Variants in SUGCT observed in about 807,000 individuals in gnomAD.
The protein encoded by SUGCT is succinyl-CoA:glutarate-CoA transferase.
A neutral mutation model predicts 55.0 loss-of-function variants in SUGCT; 41 were observed. That is an observed-to-expected ratio of 0.74 (90% CI 0.58 to 0.97). The LOEUF is 0.97. Among genes scored for constraint, SUGCT ranks in the 50% least tolerant of loss-of-function variants. SUGCT has a pLI of 0.00. For missense variants in SUGCT, 568 were observed against 547.8 expected (o/e 1.04, Z -0.37); for synonymous variants, 187 against 200.4 (o/e 0.93, Z 0.56).
chr7:40,442,040 C>T (rs1788543877), intron 9 of SUGCT, among the ~76,000 whole-genome samples: 1 of 152,030 alleles, frequency 6.6e-6, no homozygotes, highest in South Asian at 2.1e-4. Flanking sequence ...AAAGACCAAT[C>T]TTAGGAGGTT....
At chr7:40,529,100 T>C (rs1267368887) in intron 12 of SUGCT, among the ~76,000 whole-genome samples, 2 of 152,140 alleles carry the variant, frequency 1.3e-5, no homozygotes, top group Non-Finnish European at 2.9e-5. Context: ...CTGGGGAAGA[T>C]CACTGAAGGG....
intron 12 of SUGCT, among the ~76,000 whole-genome samples, chr7:40,664,997 A>T (rs867237596): frequency 6.9e-6 from 1 of 145,306 alleles, no homozygotes; most frequent in South Asian, 2.2e-4. Context: ...AAAAAAAAAA[A>T]TCTTTTTCTG....
intron 10 of SUGCT, among the ~76,000 whole-genome samples, chr7:40,451,256 C>A (rs1329628813): frequency 2.6e-5 from 4 of 152,046 alleles, no homozygotes; most frequent in Non-Finnish European, 5.9e-5. Context: ...GGTGGGAGGA[C>A]CTGGCAGTGA....
chr7:40,385,897 T>C (rs937443128), intron 9 of SUGCT, among the ~76,000 whole-genome samples: 6 of 152,236 alleles, frequency 3.9e-5, no homozygotes, highest in Admixed American at 2.6e-4. Flanking sequence ...CTTGCCAATT[T>C]TGTTGTGACA....
intron 11 of SUGCT, among the ~76,000 whole-genome samples, chr7:40,491,146 A>T (rs1791654347): frequency 6.6e-6 from 1 of 152,256 alleles, no homozygotes; most frequent in South Asian, 2.1e-4. Flanking sequence ...GTCAAGTAAC[A>T]GTCTGTTTTT....
intron 12 of SUGCT, among the ~76,000 whole-genome samples, chr7:40,605,766 T>G (rs1584111821): frequency 6.6e-6 from 1 of 152,184 alleles, no homozygotes; most frequent in Non-Finnish European, 1.5e-5. Flanking sequence ...TGGTGAGAGG[T>G]AAGTATTAAA....
chr7:40,210,639 C>T (rs191647594), intron 6 of SUGCT, among the ~76,000 whole-genome samples: 95 of 152,176 alleles, frequency 6.2e-4, no homozygotes, highest in Middle Eastern at 3.4e-3. Flanking sequence ...CGATGGTGAG[C>T]GCACACCTGG....
intron 13 of SUGCT, among the ~76,000 whole-genome samples, chr7:40,832,915 C>T (rs1206378121): frequency 6.6e-6 from 1 of 151,922 alleles, no homozygotes; most frequent in Non-Finnish European, 1.5e-5. Flanking sequence ...ACCTTGTGAC[C>T]AGCCTGCCTC....
chr7:40,512,393 A>G (rs1166774744), intron 12 of SUGCT, among the ~76,000 whole-genome samples: 4 of 152,178 alleles, frequency 2.6e-5, no homozygotes, highest in Non-Finnish European at 5.9e-5. Flanking sequence ...GAATTTTTAA[A>G]AGATTCTGCA....
intron 8 of SUGCT, among the ~76,000 whole-genome samples, chr7:40,295,435 G>A (rs1794069067): frequency 1.3e-5 from 2 of 152,118 alleles, no homozygotes; most frequent in South Asian, 4.1e-4. Context: ...AATTAGCTGG[G>A]CATGGTGGCG....
At chr7:40,989,605 T>TG in the SUGCT span, among the ~76,000 whole-genome samples, 1 of 132,552 alleles carries the variant, frequency 7.5e-6, no homozygotes, top group South Asian at 2.4e-4. Context: ...CCATCTCTAC[T>TG]AAAAAAAAAA....
chr7:40,867,515 T>G, the SUGCT span, among the ~76,000 whole-genome samples: 1 of 152,122 alleles, frequency 6.6e-6, no homozygotes, highest in African/African-American at 2.4e-5. Flanking sequence ...TGTCTAGAAT[T>G]ATATGTATAA....
chr7:40,854,474 T>TTCTTTCTTTCTC (rs1377565978), intron 13 of SUGCT, among the ~76,000 whole-genome samples: 20 of 135,324 alleles, frequency 1.5e-4, no homozygotes, highest in Non-Finnish European at 3.2e-4. Flanking sequence ...CTTTCTTTCT[T>TTCTTTCTTTCTC]TCTCTTTCTC....
the SUGCT span, among the ~76,000 whole-genome samples, chr7:41,008,095 C>T: frequency 6.6e-6 from 1 of 152,160 alleles, no homozygotes; most frequent in Non-Finnish European, 1.5e-5. Flanking sequence ...ATGCTATCCT[C>T]CCCCTCCCGT....
Position 40,521,743 on chromosome 7 carries a change from A to G in SUGCT, c.1089+25357A>G, listed in dbSNP as rs114058104. On this transcript the variant is annotated intron_variant, in intron 12 of 13. Transcript: ENST00000335693. Reference sequence around the variant, plus strand: ...ATGAGACAGTGTCTGAAATTGGGGAATAATGTAGTATAGGGATGAATACTA... The same window carrying G: ...ATGAGACAGTGTCTGAAATTGGGGAGTAATGTAGTATAGGGATGAATACTA... Among the ~76,000 whole-genome samples, 454 of 152,204 alleles carry G rather than the reference A, an allele frequency of 3.0e-3. 1 individual carries two copies. Among genetic ancestry groups the G allele is most frequent in the Middle Eastern group, 0.01 (3 of 294 alleles).
rs556083841 is a variant in SUGCT at position 40,235,355 on chromosome 7, T to TC, written c.485-2279dup. On this transcript the variant is annotated intron_variant, in intron 6 of 13. Transcript: ENST00000335693. ...GTTATTTTTATTTTTTGAGACAGAC[T>TC]CTCACTCTATTGCCCAGGCTGGAGT... is the stretch of plus-strand genomic sequence containing the variant. 6.0e-3 allele frequency among the ~76,000 whole-genome samples: 913 copies of TC among 152,310 alleles called. 5 individuals carry two copies. The highest frequency in any genetic ancestry group is 0.02 in the African/African-American group (852 of 41,562).
rs565106666 is a variant in SUGCT, at chr7:40,598,648, C to T, written c.1089+102262C>T. ...AAACATCTGTTTGATGGGACATCAA[C>T]ATCTGTTAACGGGACAAACATCTGT... On this transcript the variant is annotated intron_variant, in intron 12 of 13. Coordinates refer to ENST00000335693, the MANE Select transcript of SUGCT (RefSeq NM_001193313.2). Among the ~76,000 whole-genome samples, 228 of 152,292 alleles carry T rather than the reference C, an allele frequency of 1.5e-3. 1 individual carries two copies. Among genetic ancestry groups the T allele is most frequent in the Admixed American group, 1.8e-3 (28 of 15,298 alleles).
intron 6 of SUGCT, among the ~76,000 whole-genome samples, chr7:40,206,311 G>A (rs1284688166): frequency 2.6e-5 from 4 of 152,082 alleles, no homozygotes; most frequent in Admixed American, 6.6e-5. Flanking sequence ...CATTCATCTC[G>A]CTAATTATTT....
intron 9 of SUGCT, among the ~76,000 whole-genome samples, chr7:40,358,728 A>ACAACAG (rs1798000010): frequency 6.6e-6 from 1 of 151,182 alleles, no homozygotes; most frequent in Non-Finnish European, 1.5e-5. Flanking sequence ...AACAACAACA[A>ACAACAG]CAATAACAAC....
Sources: allele counts gnomAD v4.1 joint callset (sites outside exome capture counted in the v4.1 genomes callset), GRCh38; gene constraint gnomAD v4.1.1; transcripts MANE v1.5; gene names NCBI Gene and HGNC (gene_info 2026-07-23, HGNC 2026-07-21).